Variants in CRPPA observed in about 807,000 individuals in gnomAD.
CRPPA encodes CDP-L-ribitol pyrophosphorylase A.
A neutral mutation model predicts 52.0 loss-of-function variants in CRPPA; 43 were observed. The observed-to-expected ratio is 0.83, with a 90% CI of 0.65 to 1.07. The LOEUF (loss-of-function observed/expected upper bound fraction) is 1.07. CRPPA is among the 50% of genes least tolerant of loss of function. The pLI, the probability that CRPPA is intolerant of heterozygous loss-of-function variation, is 0.00. For missense variants in CRPPA, 629 were observed against 551.7 expected, an observed-to-expected ratio of 1.14 and a Z score of -1.40; for synonymous variants, 250 against 203.5, an observed-to-expected ratio of 1.23 and a Z score of -1.94.
intron 9 of CRPPA, among the ~76,000 whole-genome samples, chr7:16,133,768 A>G (rs1434231514): frequency 8.0e-6 from 1 of 124,542 alleles, no homozygotes; most frequent in Non-Finnish European, 1.8e-5. Flanking sequence ...AAAAGCTGAA[A>G]TGCTTGATAT....
chr7:16,294,903 G>A (rs1309677349), intron 5 of CRPPA, among the ~76,000 whole-genome samples: 1 of 151,920 alleles, frequency 6.6e-6, no homozygotes, highest in Admixed American at 6.6e-5. Context: ...CTTGATCCAA[G>A]GGATTCAAAA....
At chr7:16,400,101 G>A (rs1031975221) in intron 2 of CRPPA, among the ~76,000 whole-genome samples, 17 of 152,080 alleles carry the variant, frequency 1.1e-4, no homozygotes, top group African/African-American at 3.9e-4. Flanking sequence ...TCACGTGACT[G>A]GAGTGTGATA....
chr7:16,202,566 G>C (rs1199055823), intron 9 of CRPPA, among the ~76,000 whole-genome samples: 1 of 152,120 alleles, frequency 6.6e-6, no homozygotes, highest in East Asian at 1.9e-4. Flanking sequence ...TTCTAGATAA[G>C]GAAGTCAGAC....
intron 8 of CRPPA, among the ~76,000 whole-genome samples, chr7:16,223,986 A>C (rs1277661169): frequency 1.3e-5 from 2 of 152,202 alleles, no homozygotes; most frequent in African/African-American, 2.4e-5. Context: ...TCTCACATAT[A>C]CATAAAAAAG....
intron 8 of CRPPA, among the ~76,000 whole-genome samples, chr7:16,219,555 T>C (rs1782439679): frequency 9.3e-6 from 1 of 107,768 alleles, no homozygotes; most frequent in African/African-American, 3.3e-5. Context: ...GCAAGACTAA[T>C]AAAGAAGAAA....
chr7:16,301,236 T>C (rs1236992634), intron 5 of CRPPA, among the ~76,000 whole-genome samples, 185 bp downstream of exon 5: 1 of 152,228 alleles, frequency 6.6e-6, no homozygotes. Flanking sequence ...TGTGGTATCA[T>C]AGTAACTGCT....
intron 9 of CRPPA, among the ~76,000 whole-genome samples, chr7:16,138,761 T>C (rs1294259100): frequency 2.0e-5 from 3 of 152,114 alleles, no homozygotes; most frequent in Non-Finnish European, 4.4e-5. Flanking sequence ...TTAAACATTG[T>C]AAAGGGCCCA....
At chr7:16,410,772 G>T (rs1245277360) in intron 1 of CRPPA, among the ~76,000 whole-genome samples, 1 of 152,034 alleles carries the variant, frequency 6.6e-6, no homozygotes, top group Non-Finnish European at 1.5e-5. Flanking sequence ...TGCATGTGCT[G>T]CTTACCTGGC....
rs1289279629 is a variant in CRPPA, at chr7:16,408,114, A to AT, written c.258-1778_258-1777insA. On this transcript the variant is annotated intron_variant, in intron 1 of 9. Transcript: ENST00000407010. Reference sequence around the variant, plus strand: ...CAGAGCAGGACTCTGTCTTTAAAAAAAAAAAAATAAAAAAATAACTTATCA... The same window carrying AT: ...CAGAGCAGGACTCTGTCTTTAAAAAATAAAAAAATAAAAAAATAACTTATCA... Among the ~76,000 whole-genome samples the AT allele has an allele frequency of 3.7e-4, 56 of 150,528 alleles. 1 individual carries two copies. Among genetic ancestry groups the AT allele is most frequent in the Non-Finnish European group, 5.5e-4 (37 of 67,846 alleles).
intron 9 of CRPPA, among the ~76,000 whole-genome samples, chr7:16,120,221 G>C (rs1583370115): frequency 6.6e-6 from 1 of 152,266 alleles, no homozygotes; most frequent in East Asian, 1.9e-4. Flanking sequence ...GGTCAGGTCT[G>C]TATCATCCGG....
intron 2 of CRPPA, among the ~76,000 whole-genome samples, chr7:16,391,959 C>A (rs1251657050): frequency 2.0e-5 from 3 of 152,098 alleles, no homozygotes; most frequent in South Asian, 4.1e-4. Flanking sequence ...TGAGGTCAAA[C>A]CAAATCCCAC....
chr7:16,286,878 GA>G (rs1193089723), intron 5 of CRPPA, among the ~76,000 whole-genome samples: 2 of 151,866 alleles, frequency 1.3e-5, no homozygotes, highest in African/African-American at 2.4e-5. Context: ...TAGGGTTTCA[GA>G]AAAAAACAAA....
At chr7:16,380,776 C>A (rs540135243) in intron 2 of CRPPA, among the ~76,000 whole-genome samples, 1 of 152,054 alleles carries the variant, frequency 6.6e-6, no homozygotes, top group Non-Finnish European at 1.5e-5. Context: ...GTTTATTTTC[C>A]TAGAGGTGTT....
intron 3 of CRPPA, among the ~76,000 whole-genome samples, chr7:16,330,155 C>T (rs140621903): frequency 6.6e-6 from 1 of 152,274 alleles, no homozygotes; most frequent in East Asian, 1.9e-4. Flanking sequence ...CTGTGCAAAA[C>T]AATTAGAACC....
intron 9 of CRPPA, among the ~76,000 whole-genome samples, chr7:16,146,823 A>T (rs1304884737): frequency 6.6e-6 from 1 of 152,226 alleles, no homozygotes; most frequent in African/African-American, 2.4e-5. Flanking sequence ...ATCAGATCAC[A>T]AAGGAAGACA....
intron 6 of CRPPA, among the ~76,000 whole-genome samples, chr7:16,267,625 A>C (rs1783988323): frequency 6.6e-6 from 1 of 152,188 alleles, no homozygotes; most frequent in Admixed American, 6.5e-5. Context: ...GGTATGGCAA[A>C]CATAAATGAC....
chr7:16,110,303 T>A (rs930803230), intron 9 of CRPPA, among the ~76,000 whole-genome samples: 4 of 152,122 alleles, frequency 2.6e-5, no homozygotes, highest in Non-Finnish European at 5.9e-5. Flanking sequence ...AGATATCTCA[T>A]GTTCACATAT....
At chr7:16,250,305 A>G (rs7797808) in intron 8 of CRPPA, among the ~76,000 whole-genome samples, 4,928 of 152,296 alleles carry the variant, frequency 0.032, 266 homozygotes, top group African/African-American at 0.11. Context: ...ACTCTGCAGG[A>G]TATTAATCAG....
rs1229178704 is a variant in CRPPA at position 16,216,067 on chromosome 7, T to A, written c.1250A>T (p.Gln417Leu). 6.3e-7 allele frequency: 1 copy of A among 1,581,146 alleles called. No homozygotes were observed. Among genetic ancestry groups the A allele is most frequent in the Non-Finnish European group, 8.6e-7 (1 of 1,165,718 alleles). Residue 417 changes from glutamine (Q) to leucine (L), a missense_variant and splice_region_variant, in exon 9 of 10, where the codon CAG becomes CTG. Physicochemically the swap from Gln to Leu is moderately radical, Grantham distance 113. Coordinates refer to ENST00000407010, the MANE Select transcript of CRPPA (RefSeq NM_001101426.4). ...LLYGLLISYP[Q>L]DDQKLQESLR... Reference sequence around the variant, plus strand: ...TCGGAAGATAAACATTTTACCTACCTGTGGGTAAGATATGAGAAGCCCATA... The same window carrying A: ...TCGGAAGATAAACATTTTACCTACCAGTGGGTAAGATATGAGAAGCCCATA...
Sources: gnomAD v4.1 joint callset for allele counts (sites outside exome capture counted in the v4.1 genomes callset) on GRCh38, gnomAD v4.1.1 for gene constraint, MANE v1.5 for transcripts, NCBI Gene and HGNC (gene_info 2026-07-23, HGNC 2026-07-21) for gene names.